Variants in KCTD16 observed in about 807,000 individuals in gnomAD.
KCTD16 encodes BTB/POZ domain-containing protein KCTD16.
A neutral mutation model predicts 33.2 loss-of-function variants in KCTD16; 13 were observed. That is an observed-to-expected ratio of 0.39 (90% CI 0.25 to 0.62). KCTD16 has a LOEUF of 0.62. Ranked by LOEUF, KCTD16 falls within the 20% of genes least tolerant of loss-of-function variation. The pLI is 0.50. For missense variants in KCTD16, 441 were observed against 525.1 expected (o/e 0.84, Z 1.57); for synonymous variants, 197 against 195.3 (o/e 1.01, Z -0.07).
intron 3 of KCTD16, among the ~76,000 whole-genome samples, chr5:144,363,737 A>G (rs1751770741): frequency 6.6e-6 from 1 of 152,078 alleles, no homozygotes; most frequent in African/African-American, 2.4e-5. Context: ...TCACATGTGT[A>G]TGTCAGGATC....
intron 3 of KCTD16, among the ~76,000 whole-genome samples, chr5:144,326,026 C>T (rs1305176572): frequency 2.0e-5 from 3 of 152,046 alleles, no homozygotes; most frequent in Non-Finnish European, 4.4e-5. Flanking sequence ...TAATAGTGGA[C>T]TCAGTAAAAG....
At chr5:144,189,900 T>C (rs1752807682) in intron 2 of KCTD16, among the ~76,000 whole-genome samples, 1 of 152,212 alleles carries the variant, frequency 6.6e-6, no homozygotes, top group African/African-American at 2.4e-5. Context: ...GTGGCCTCTG[T>C]GTCAGAACTA....
At chr5:144,458,660 A>G (rs1156285240) in intron 3 of KCTD16, among the ~76,000 whole-genome samples, 1 of 152,212 alleles carries the variant, frequency 6.6e-6, no homozygotes, top group Non-Finnish European at 1.5e-5. Flanking sequence ...GAGACTCTCA[A>G]ATAAAAACCT....
At chr5:144,201,568 T>C (rs1158149655) in intron 2 of KCTD16, among the ~76,000 whole-genome samples, 1 of 152,244 alleles carries the variant, frequency 6.6e-6, no homozygotes, top group Non-Finnish European at 1.5e-5. Context: ...CCATGGAATG[T>C]GCCAGAGAGC....
At chr5:144,299,570 C>T (rs980101355) in intron 3 of KCTD16, among the ~76,000 whole-genome samples, 1 of 151,942 alleles carries the variant, frequency 6.6e-6, no homozygotes, top group African/African-American at 2.4e-5. Context: ...AAAGGTGATA[C>T]AATACACAAA....
intron 3 of KCTD16, among the ~76,000 whole-genome samples, chr5:144,432,660 T>C (rs1371187539): frequency 6.7e-6 from 1 of 149,964 alleles, no homozygotes; most frequent in Non-Finnish European, 1.5e-5. Context: ...TGTGTGTATA[T>C]ATCAGGGAAA....
chr5:144,441,945 G>T (rs1330253417), intron 3 of KCTD16, among the ~76,000 whole-genome samples: 4 of 150,388 alleles, frequency 2.7e-5, no homozygotes, highest in African/African-American at 9.8e-5. Context: ...TAAAAGTATT[G>T]TCTTCTATTC....
intron 3 of KCTD16, among the ~76,000 whole-genome samples, chr5:144,399,123 G>A (rs1259637452): frequency 6.6e-6 from 1 of 152,116 alleles, no homozygotes; most frequent in Non-Finnish European, 1.5e-5. Context: ...GGTACTAGAA[G>A]GAATCTGAAG....
At chr5:144,310,585 T>C (rs199606830) in intron 3 of KCTD16, among the ~76,000 whole-genome samples, 1 of 123,628 alleles carries the variant, frequency 8.1e-6, no homozygotes, top group South Asian at 2.2e-4. Context: ...ATATTATATA[T>C]TTTTTTTGAT....
At chr5:144,233,217 G>A (rs919407955) in intron 3 of KCTD16, among the ~76,000 whole-genome samples, 1 of 150,992 alleles carries the variant, frequency 6.6e-6, no homozygotes, top group Non-Finnish European at 1.5e-5. Context: ...ATAAAAAAAG[G>A]GTCTTCCATC....
chr5:144,303,238 G>A (rs187314164), intron 3 of KCTD16, among the ~76,000 whole-genome samples: 1 of 152,284 alleles, frequency 6.6e-6, no homozygotes, highest in Non-Finnish European at 1.5e-5. Context: ...TTCTGCAAGT[G>A]TTATTAGAAT....
chr5:144,387,741 T>C (rs1201409893), intron 3 of KCTD16, among the ~76,000 whole-genome samples: 1 of 152,210 alleles, frequency 6.6e-6, no homozygotes, highest in Non-Finnish European at 1.5e-5. Context: ...AATGGGTTTC[T>C]ATGCCACTTA....
chr5:144,204,765 C>T (rs1753121987), intron 2 of KCTD16, among the ~76,000 whole-genome samples: 1 of 151,822 alleles, frequency 6.6e-6, no homozygotes, highest in Non-Finnish European at 1.5e-5. Context: ...ATGTATCTAC[C>T]TATTTACATA....
chr5:144,207,507 G>A lies in KCTD16; in HGVS notation c.793G>A (p.Asp265Asn). The A allele has an allele frequency of 1.9e-6, 3 of 1,613,978 alleles. No individual in the cohort carries two copies. The highest frequency in any genetic ancestry group is 1.1e-5 in the South Asian group (1 of 91,066). ...TASFINQYTD[D>N]KIWSSYTEYV... ...ATCTTTCATCAACCAATATACAGAT[G>A]ACAAGATCTGGTCAAGCTACACTGA... The change falls in exon 3 of 4, where the codon GAC becomes AAC. Residue 265 changes from aspartate to asparagine, a missense_variant. Physicochemically the swap from Asp to Asn is conservative, Grantham distance 23 (BLOSUM62 1). Transcript: ENST00000512467.
intron 3 of KCTD16, among the ~76,000 whole-genome samples, chr5:144,357,800 G>A (rs1580898710): frequency 1.3e-5 from 2 of 152,178 alleles, no homozygotes; most frequent in African/African-American, 2.4e-5. Flanking sequence ...TAACTTCCTA[G>A]GAAAGGTATT....
intron 3 of KCTD16, among the ~76,000 whole-genome samples, chr5:144,275,612 C>T (rs182729651): frequency 1.6e-4 from 24 of 152,104 alleles, no homozygotes; most frequent in Middle Eastern, 3.2e-3. Context: ...CTAATTATTC[C>T]AAAGAGTGTC....
intron 3 of KCTD16, among the ~76,000 whole-genome samples, chr5:144,324,482 A>G (rs1752152007): frequency 6.6e-6 from 1 of 152,174 alleles, no homozygotes; most frequent in Non-Finnish European, 1.5e-5. Context: ...TTGATTGGAA[A>G]GTAAATTAGT....
intron 3 of KCTD16, among the ~76,000 whole-genome samples, chr5:144,328,214 T>G (rs29892): frequency 0.33 from 50,949 of 152,144 alleles, 9,224 homozygotes; most frequent in African/African-American, 0.47. Context: ...TTTAGCCTGT[T>G]TTAACACCAT....
rs552534751 is a variant in KCTD16, at chr5:144,175,601, A to G, written c.-327+1129A>G. ...ACATTAGTCATGTATGTTAATTGAT[A>G]TTGCATAGTAGTTAAGGGTAGAGGC... On this transcript the variant is annotated intron_variant, in intron 2 of 3. Coordinates refer to ENST00000512467, the MANE Select transcript of KCTD16 (RefSeq NM_020768.4). 1.4e-4 allele frequency among the ~76,000 whole-genome samples: 21 copies of G among 152,322 alleles called. No individual in the cohort carries two copies. The South Asian group carries it at 2.1e-3, about 15-fold the overall frequency.
Sources: gnomAD v4.1 joint callset for allele counts (sites outside exome capture counted in the v4.1 genomes callset) on GRCh38, gnomAD v4.1.1 for gene constraint, MANE v1.5 for transcripts, NCBI Gene and HGNC (gene_info 2026-07-23, HGNC 2026-07-21) for gene names.